ZNF644: variants seen among roughly 807,000 people sequenced by gnomAD.
ZNF644 encodes zinc finger protein 644.
Under a neutral mutation model 108.0 loss-of-function variants are expected in ZNF644, and 20 were observed. That is an observed-to-expected ratio of 0.19 (90% CI 0.13 to 0.27). The LOEUF (loss-of-function observed/expected upper bound fraction) is 0.27. Ranked by LOEUF, ZNF644 falls within the 10% of genes least tolerant of loss-of-function variation. ZNF644 has a pLI of 1.00. For missense variants in ZNF644, 1,338 were observed against 1,548.9 expected (o/e 0.86, Z 2.29); for synonymous variants, 542 against 539.1 (o/e 1.01, Z -0.08).
chr1:90,995,471 TG>T (rs1346359896), intron 1 of ZNF644, among the ~76,000 whole-genome samples: 1 of 152,172 alleles, frequency 6.6e-6, no homozygotes, highest in Non-Finnish European at 1.5e-5. Flanking sequence ...AAAAATTTTT[TG>T]TTGATGAAAT....
At position 91,007,192 on chromosome 1, in the gene ZNF644, T is replaced by C. The variant is rs566000862; in HGVS notation, c.-18+14798A>G. Among the ~76,000 whole-genome samples the C allele has an allele frequency of 1.7e-4, 26 of 150,966 alleles. No homozygotes were observed. The South Asian group carries it at 5.0e-3, about 29-fold the overall frequency. ...GTGGAAATTCACATTTCTTGTTCAA[T>C]TATTCTTAATTTCTTCCATTTTCTC... is the stretch of plus-strand genomic sequence containing the variant. On this transcript the variant is annotated intron_variant, in intron 1 of 5. Transcript: ENST00000337393.
chr1:90,945,910 A>G (rs956613519), intron 2 of ZNF644, among the ~76,000 whole-genome samples: 5 of 152,052 alleles, frequency 3.3e-5, no homozygotes, highest in African/African-American at 9.7e-5. Context: ...CCCTCATTGT[A>G]TATTAGTTCA....
At chr1:91,003,904 TTA>T (rs1245080600) in intron 1 of ZNF644, among the ~76,000 whole-genome samples, 1 of 151,386 alleles carries the variant, frequency 6.6e-6, no homozygotes, top group African/African-American at 2.4e-5. Context: ...AGATAAAAAA[TTA>T]TGAGAAAAAA....
intron 5 of ZNF644, 44 bp downstream of exon 5, chr1:90,918,008 A>G (rs1170207798): frequency 6.6e-7 from 1 of 1,505,946 alleles, no homozygotes; most frequent in African/African-American, 1.4e-5. Context: ...GTTTCAAAGC[A>G]AAGTATGAAG....
intron 4 of ZNF644, among the ~76,000 whole-genome samples, chr1:90,920,492 C>A (rs1649309903): frequency 6.6e-6 from 1 of 151,860 alleles, no homozygotes; most frequent in African/African-American, 2.4e-5. Flanking sequence ...AAAAATGGAA[C>A]TGGAAATGTT....
At chr1:90,989,030 TA>T (rs1201105216) in intron 1 of ZNF644, among the ~76,000 whole-genome samples, 2 of 152,228 alleles carry the variant, frequency 1.3e-5, no homozygotes, top group South Asian at 4.2e-4. Context: ...GGAATTACAT[TA>T]AAAGTTAAAA....
chr1:90,998,316 C>T (rs1324071396), intron 1 of ZNF644, among the ~76,000 whole-genome samples: 1 of 152,208 alleles, frequency 6.6e-6, no homozygotes, highest in Non-Finnish European at 1.5e-5. Flanking sequence ...AGACTGACAC[C>T]TCACACAGCC....
intron 1 of ZNF644, among the ~76,000 whole-genome samples, chr1:90,993,662 A>C (rs1403739987): frequency 6.6e-6 from 1 of 152,168 alleles, no homozygotes; most frequent in Non-Finnish European, 1.5e-5. Context: ...AAAGGAACAA[A>C]TCTATTTCAT....
chr1:90,958,712 T>A (rs1453289941), intron 2 of ZNF644, among the ~76,000 whole-genome samples: 1 of 152,138 alleles, frequency 6.6e-6, no homozygotes, highest in Non-Finnish European at 1.5e-5. Context: ...GACCATTCAA[T>A]GGGGAAAAGA....
At chr1:91,013,812 T>C (rs1359387769) in intron 1 of ZNF644, among the ~76,000 whole-genome samples, 2 of 152,190 alleles carry the variant, frequency 1.3e-5, no homozygotes, top group Non-Finnish European at 2.9e-5. Context: ...TTTTGAAGAC[T>C]TAACATGGTT....
intron 1 of ZNF644, among the ~76,000 whole-genome samples, chr1:90,995,320 G>A (rs1658048327): frequency 6.6e-6 from 1 of 152,006 alleles, no homozygotes; most frequent in Admixed American, 6.6e-5. Flanking sequence ...TTTGAAGACA[G>A]GGAAATAAAA....
At chr1:90,984,684 C>T (rs550407138) in intron 1 of ZNF644, among the ~76,000 whole-genome samples, 120 of 152,250 alleles carry the variant, frequency 7.9e-4, no homozygotes, top group African/African-American at 2.7e-3. Context: ...TGAGCCACCA[C>T]GCCCAGCCTG....
chr1:90,917,378 AG>A (rs1383304502), intron 5 of ZNF644, among the ~76,000 whole-genome samples: 6 of 152,192 alleles, frequency 3.9e-5, no homozygotes, highest in Middle Eastern at 3.2e-3. Context: ...TGAGTACGGA[AG>A]AAGGCGTGAC....
At chr1:90,988,949 G>A (rs1657375528) in intron 1 of ZNF644, among the ~76,000 whole-genome samples, 1 of 152,082 alleles carries the variant, frequency 6.6e-6, no homozygotes, top group Non-Finnish European at 1.5e-5. Context: ...AAACATAGGG[G>A]AAGGCTTCGG....
rs1651669152 is a variant in ZNF644, at chr1:90,939,136, A to G, written c.2218T>C (p.Tyr740His). 15 of 1,613,858 alleles carry G rather than the reference A, an allele frequency of 9.3e-6. No individual in the cohort carries two copies. Among genetic ancestry groups the G allele is most frequent in the Non-Finnish European group, 1.3e-5 (15 of 1,179,922 alleles). Reference protein sequence around the residue: ...SNAKANSHYLYRHKYENYRMI... With the variant: ...SNAKANSHYLHRHKYENYRMI... The stretch of plus-strand genomic sequence containing the variant: ...CTATAGTTTTCATATTTGTGTCTAT[A>G]CAAATAGTGGCTATTTGCCTTGGCA... Residue 740 changes from tyrosine (Y) to histidine (H), a missense_variant, in exon 3 of 6, where the codon TAT becomes CAT. Around this residue, in one of 6 missense-constraint regions of ZNF644, gnomAD observed 462 missense variants for 472.6 expected, o/e 0.98. Transcript: ENST00000337393.
intron 1 of ZNF644, among the ~76,000 whole-genome samples, chr1:91,003,651 T>A (rs1202010417): frequency 6.7e-6 from 1 of 148,258 alleles, no homozygotes; most frequent in East Asian, 1.9e-4. Flanking sequence ...CTGCACATTG[T>A]GCACATGTAC....
intron 2 of ZNF644, among the ~76,000 whole-genome samples, chr1:90,946,801 A>G (rs1053240540): frequency 6.6e-5 from 10 of 152,146 alleles, no homozygotes; most frequent in Non-Finnish European, 1.2e-4. Flanking sequence ...TGCCATTAAA[A>G]AAAAGCAAAC....
intron 2 of ZNF644, among the ~76,000 whole-genome samples, chr1:90,957,658 C>T (rs1261324332): frequency 6.6e-6 from 1 of 151,878 alleles, no homozygotes; most frequent in Non-Finnish European, 1.5e-5. Flanking sequence ...GCATAAAAAC[C>T]CATAACAAAC....
intron 4 of ZNF644, among the ~76,000 whole-genome samples, chr1:90,933,853 A>G (rs1327150565): frequency 2.0e-5 from 3 of 152,222 alleles, no homozygotes; most frequent in Non-Finnish European, 2.9e-5. Flanking sequence ...CTTGCTACTT[A>G]TTAACTGTGT....
Sources: allele counts gnomAD v4.1 joint callset (sites outside exome capture counted in the v4.1 genomes callset), GRCh38; gene constraint gnomAD v4.1.1; regional missense constraint gnomAD v4.1.1; transcripts MANE v1.5; gene names NCBI Gene and HGNC (gene_info 2026-07-23, HGNC 2026-07-21).